UGT2A2: variants seen among roughly 807,000 people sequenced by gnomAD.
UGT2A2 encodes the protein UDP-glucuronosyltransferase 2A2.
In UGT2A2, 60 loss-of-function variants were observed where a neutral mutation model predicts 50.7. The observed-to-expected ratio is 1.18, with a 90% CI of 0.96 to 1.47. UGT2A2 has a LOEUF of 1.47. Among genes scored for constraint, UGT2A2 ranks in the 40% most tolerant of loss-of-function variants. The pLI is 0.00. For missense variants in UGT2A2, 762 were observed against 634.0 expected (o/e 1.20, Z -2.17); for synonymous variants, 242 against 214.6 (o/e 1.13, Z -1.11).
intron 1 of UGT2A2, among the ~76,000 whole-genome samples, chr4:69,634,210 A>G (rs1422340996): frequency 1.3e-5 from 2 of 152,094 alleles, no homozygotes; most frequent in Non-Finnish European, 1.5e-5. Context: ...GCGCCACTGC[A>G]CTCCAGCCTG....
chr4:69,589,226 G>T lies in UGT2A2; in HGVS notation c.*146C>A. 1 of 1,042,764 alleles carries T rather than the reference G, an allele frequency of 9.6e-7. No homozygotes were observed. Among genetic ancestry groups the T allele is most frequent in the South Asian group, 2.2e-5 (1 of 44,874 alleles). 64.6% of individuals were successfully genotyped at this position (1,042,764 alleles called of 1,614,324 possible). A position where few individuals can be genotyped will look rare whatever the true frequency, so the allele number is the denominator to read the frequency against. Reference sequence around the variant, plus strand: ...GCCAAAATCTAGGCTTTATCAGTAGGCTTATCGCAGGTAGAGAAATAGAAA... The same window carrying T: ...GCCAAAATCTAGGCTTTATCAGTAGTCTTATCGCAGGTAGAGAAATAGAAA... On this transcript the variant is annotated 3_prime_UTR_variant, in exon 6 of 6. Transcript: ENST00000604629.
chr4:69,608,940 C>A (rs544169260), intron 1 of UGT2A2, among the ~76,000 whole-genome samples: 94 of 151,984 alleles, frequency 6.2e-4, no homozygotes, highest in Admixed American at 1.2e-3. Flanking sequence ...ATTAAGACAG[C>A]ATAAAAATCC....
chr4:69,610,771 A>G (rs1719989358), intron 1 of UGT2A2, among the ~76,000 whole-genome samples: 1 of 152,190 alleles, frequency 6.6e-6, no homozygotes, highest in African/African-American at 2.4e-5. Context: ...TTCAAGAAAA[A>G]ACAGACCTGG....
intron 1 of UGT2A2, among the ~76,000 whole-genome samples, chr4:69,607,507 G>A (rs970680184): frequency 2.6e-5 from 4 of 151,840 alleles, no homozygotes; most frequent in South Asian, 2.1e-4. Context: ...ACATAGGCAT[G>A]GGCAAGGACT....
intron 1 of UGT2A2, among the ~76,000 whole-genome samples, chr4:69,633,935 A>C (rs934852341): frequency 2.6e-5 from 4 of 152,104 alleles, no homozygotes; most frequent in African/African-American, 9.7e-5. Context: ...TATGTTTTGC[A>C]GAAAGAATAT....
chr4:69,601,885 A>G (rs1369268131), intron 1 of UGT2A2, among the ~76,000 whole-genome samples: 1 of 136,354 alleles, frequency 7.3e-6, no homozygotes, highest in Non-Finnish European at 1.6e-5. Context: ...GCCCTCAGAG[A>G]CTCTTACTCT....
intron 1 of UGT2A2, among the ~76,000 whole-genome samples, chr4:69,627,550 G>A (rs375729712): frequency 5.3e-4 from 55 of 104,404 alleles, no homozygotes; most frequent in African/African-American, 1.4e-3. Context: ...GAGAGAGAAA[G>A]AGAGAGAGAG....
rs745503070 is a variant in UGT2A2 at position 69,639,247 on chromosome 4, T to A, written c.394A>T (p.Ile132Leu). ...KLLDTFFQIN[I>L]QLCDGVLKNP... ...TTTAGTACACCATCACAGAGTTGTA[T>A]GTTAATTTGAAAGAAAGTGTCTAGA... Residue 132 changes from isoleucine to leucine, a missense_variant, in exon 1 of 6, where the codon ATA becomes TTA. Ile to Leu is a conservative substitution (Grantham distance 5, BLOSUM62 2). Transcript: ENST00000604629. 4.3e-6 allele frequency: 7 copies of A among 1,613,588 alleles called. No homozygotes were observed. In the Admixed American group the frequency reaches 6.7e-5, roughly 15 times the overall value.
intron 1 of UGT2A2, among the ~76,000 whole-genome samples, chr4:69,622,625 C>T (rs1305438415): frequency 1.3e-5 from 2 of 151,574 alleles, no homozygotes; most frequent in Admixed American, 6.6e-5. Flanking sequence ...GGATATTGTA[C>T]TGCCAGTTCT....
At chr4:69,593,630 G>T (rs1267572331) in intron 5 of UGT2A2, among the ~76,000 whole-genome samples, 1 of 151,090 alleles carries the variant, frequency 6.6e-6, no homozygotes, top group Non-Finnish European at 1.5e-5. Flanking sequence ...CAATCTAAAA[G>T]CTGAATCAGA....
chr4:69,601,984 C>A lies in UGT2A2; in HGVS notation c.743-2590G>T. Among the ~76,000 whole-genome samples, 2 of 136,322 alleles carry A rather than the reference C, an allele frequency of 1.5e-5. 1 individual carries two copies. Among genetic ancestry groups the A allele is most frequent in the Non-Finnish European group, 3.1e-5 (2 of 64,150 alleles). The allele number at this position is 136,322 out of a possible 152,430, so 89.4% of individuals were successfully genotyped here. On this transcript the variant is annotated intron_variant, in intron 1 of 5. Coordinates refer to ENST00000604629, the MANE Select transcript of UGT2A2 (RefSeq NM_001105677.2). ...AGACAACTTGAATAATTAATATAAT[C>A]AAGAAAAAGTATATTATTGAAATAG...
chr4:69,593,536 A>G, intron 5 of UGT2A2, among the ~76,000 whole-genome samples: 1 of 150,944 alleles, frequency 6.6e-6, no homozygotes, highest in East Asian at 1.9e-4. Context: ...CACACACACT[A>G]TCTACTAAGC....
intron 1 of UGT2A2, among the ~76,000 whole-genome samples, chr4:69,627,546 GAA>G (rs1491371477): frequency 0.058 from 5,616 of 97,434 alleles, 131 homozygotes; most frequent in Middle Eastern, 0.086. Context: ...GAGAGAGAGA[GAA>G]AGAGAGAGAG....
At chr4:69,606,919 G>C (rs2109907036) in intron 1 of UGT2A2, among the ~76,000 whole-genome samples, 1 of 136,192 alleles carries the variant, frequency 7.3e-6, no homozygotes, top group South Asian at 2.4e-4. Context: ...AAATAAAAGA[G>C]GATACAAACA....
chr4:69,621,910 A>G (rs1049523716), intron 1 of UGT2A2, among the ~76,000 whole-genome samples: 1 of 151,912 alleles, frequency 6.6e-6, no homozygotes, highest in Admixed American at 6.6e-5. Context: ...GCAGACACAG[A>G]ACACCAAATA....
Position 69,594,460 on chromosome 4 carries a change from G to A in UGT2A2, c.1331+17C>T. 11 of 1,607,900 alleles carry A rather than the reference G, an allele frequency of 6.8e-6. No individual in the cohort carries two copies. The highest frequency in any genetic ancestry group is 9.3e-6 in the Non-Finnish European group (11 of 1,177,888). On this transcript the variant is annotated intron_variant, in intron 5 of 5. Transcript: ENST00000604629. ...GTAATTAAAGTTAGGCAAGTTTTTA[G>A]GAGCCTTAGTACTTACGAAGGTTCA...
chr4:69,628,982 G>C (rs1721240807), intron 1 of UGT2A2, among the ~76,000 whole-genome samples: 1 of 151,766 alleles, frequency 6.6e-6, no homozygotes. Flanking sequence ...TGATACCAAA[G>C]AGAAAGGGAG....
intron 1 of UGT2A2, among the ~76,000 whole-genome samples, chr4:69,626,846 T>C (rs573726034): frequency 1.3e-5 from 2 of 151,910 alleles, no homozygotes; most frequent in South Asian, 4.2e-4. Context: ...TCTCAAATTG[T>C]CCCAGATTTT....
chr4:69,630,762 T>C (rs914152340), intron 1 of UGT2A2, among the ~76,000 whole-genome samples: 12 of 152,122 alleles, frequency 7.9e-5, no homozygotes, highest in Non-Finnish European at 1.6e-4. Flanking sequence ...ATACAGACCC[T>C]AAAGGTGAAA....
Sources: gnomAD v4.1 joint callset for allele counts (sites outside exome capture counted in the v4.1 genomes callset) on GRCh38, gnomAD v4.1.1 for gene constraint, MANE v1.5 for transcripts, NCBI Gene and HGNC (gene_info 2026-07-23, HGNC 2026-07-21) for gene names.